The following KCNMB4 variants were observed in gnomAD, a reference collection of about 807,000 sequenced individuals.
KCNMB4 encodes the protein potassium calcium-activated channel subfamily M regulatory beta subunit 4, also known as calcium-activated potassium channel subunit beta-4.
Under a neutral mutation model 20.7 loss-of-function variants are expected in KCNMB4, and 3 were observed. That is an observed-to-expected ratio of 0.14 (90% CI 0.07 to 0.37). The LOEUF (loss-of-function observed/expected upper bound fraction) is 0.37, where lower values mean the gene tolerates loss of function less well. Among genes scored for constraint, KCNMB4 ranks in the 10% least tolerant of loss-of-function variants. The pLI, the probability that KCNMB4 is intolerant of heterozygous loss-of-function variation, is 1.00. For synonymous variants in KCNMB4, 110 were observed against 113.4 expected, an observed-to-expected ratio of 0.97 and a Z score of 0.19; for missense variants, 168 against 265.9, an observed-to-expected ratio of 0.63 and a Z score of 2.56.
chr12:70,366,625 C>T lies in KCNMB4; in HGVS notation c.-110C>T, dbSNP rs1565850746. On this transcript the variant is annotated 5_prime_UTR_variant, in exon 1 of 3. Transcript: ENST00000258111. ...CTCGCCGCCCACTCCCCTGCTGTCG[C>T]GCGGCGGCGGCGGTGGCGGCGGCGG... The T allele has an allele frequency of 4.0e-6, 3 of 759,188 alleles. No individual in the cohort carries two copies. Among genetic ancestry groups the T allele is most frequent in the Admixed American group, 4.7e-5 (1 of 21,086 alleles). 47.0% of individuals were successfully genotyped at this position (759,188 alleles called of 1,614,324 possible). A position where few individuals can be genotyped will look rare whatever the true frequency, so the allele number is the denominator to read the frequency against.
chr12:70,391,123 A>C (rs1156671914), intron 1 of KCNMB4, among the ~76,000 whole-genome samples: 1 of 152,154 alleles, frequency 6.6e-6, no homozygotes, highest in Non-Finnish European at 1.5e-5. Flanking sequence ...ACAGTGACTC[A>C]TAGACTTCAT....
intron 1 of KCNMB4, among the ~76,000 whole-genome samples, chr12:70,394,206 A>C (rs1868329292): frequency 6.6e-6 from 1 of 152,122 alleles, no homozygotes; most frequent in South Asian, 2.1e-4. Context: ...CAATTCTAAA[A>C]ATCTGTCATT....
chr12:70,422,977 A>ATC, intron 2 of KCNMB4: 1 of 379,410 alleles, frequency 2.6e-6, no homozygotes, highest in East Asian at 1.0e-4. Context: ...AGGGACGGTC[A>ATC]TCTTAATCAG....
chr12:70,378,615 C>T (rs1390284417), intron 1 of KCNMB4, among the ~76,000 whole-genome samples: 3 of 152,278 alleles, frequency 2.0e-5, no homozygotes, highest in Non-Finnish European at 4.4e-5. Context: ...TGGCTCGCTT[C>T]ACCCTCTGCC....
chr12:70,398,035 C>T (rs556770325), intron 1 of KCNMB4, among the ~76,000 whole-genome samples: 1 of 152,258 alleles, frequency 6.6e-6, no homozygotes, highest in Non-Finnish European at 1.5e-5. Flanking sequence ...AAATATCCAA[C>T]ACCTTAGAGA....
chr12:70,393,382 T>C (rs1252493140), intron 1 of KCNMB4, among the ~76,000 whole-genome samples: 4 of 152,078 alleles, frequency 2.6e-5, no homozygotes, highest in Non-Finnish European at 5.9e-5. Flanking sequence ...TTTGTTGTTT[T>C]AGTAGAGAAG....
intron 2 of KCNMB4, among the ~76,000 whole-genome samples, chr12:70,427,356 C>T (rs1869240958): frequency 6.6e-6 from 1 of 152,212 alleles, no homozygotes; most frequent in Admixed American, 6.5e-5. Flanking sequence ...TAGAGATAAT[C>T]TCACTAAATC....
At chr12:70,392,442 A>G (rs957203933) in intron 1 of KCNMB4, among the ~76,000 whole-genome samples, 5 of 152,238 alleles carry the variant, frequency 3.3e-5, no homozygotes, top group African/African-American at 1.2e-4. Flanking sequence ...CTAGAACCAG[A>G]AATACCATTT....
intron 2 of KCNMB4, chr12:70,422,892 G>A (rs762166534): frequency 8.9e-7 from 1 of 1,119,536 alleles, no homozygotes; most frequent in Non-Finnish European, 1.1e-6. Flanking sequence ...TGGGAGCACA[G>A]AGTGGCGACG....
At chr12:70,367,204 T>C in intron 1 of KCNMB4, 134 bp downstream of exon 1, 1 of 650,414 alleles carries the variant, frequency 1.5e-6, no homozygotes. Flanking sequence ...CAGGCTGTGC[T>C]CAAACCAGGA....
In KCNMB4 at chr12:70,372,814, CATT is replaced by C. The variant is rs545977610; in HGVS notation, c.336+5747_336+5749del. 2.6e-3 allele frequency among the ~76,000 whole-genome samples: 390 copies of C among 152,052 alleles called. 3 individuals carry two copies. Among genetic ancestry groups the C allele is most frequent in the African/African-American group, 9.1e-3 (377 of 41,478 alleles). ...GTCAAGTTCTACAGAGAGGTACAAACATTATGATATGAACATCCAGAGGGAAAA... is the reference window on the plus strand; with the variant it reads ...GTCAAGTTCTACAGAGAGGTACAAACATGATATGAACATCCAGAGGGAAAA... On this transcript the variant is annotated intron_variant, in intron 1 of 2. Coordinates refer to ENST00000258111, the MANE Select transcript of KCNMB4 (RefSeq NM_014505.6).
intron 1 of KCNMB4, among the ~76,000 whole-genome samples, chr12:70,373,526 G>T (rs540097551): frequency 6.6e-6 from 1 of 152,172 alleles, no homozygotes; most frequent in Non-Finnish European, 1.5e-5. Flanking sequence ...ACGCAGCCTG[G>T]CATCTTGGTT....
chr12:70,395,601 A>G (rs1279435925), intron 1 of KCNMB4, among the ~76,000 whole-genome samples: 1 of 152,216 alleles, frequency 6.6e-6, no homozygotes, highest in African/African-American at 2.4e-5. Flanking sequence ...GTAATCAAGC[A>G]TTCCATGTTG....
chr12:70,400,396 CTG>C, intron 2 of KCNMB4, 60 bp downstream of exon 2: 1 of 1,529,124 alleles, frequency 6.5e-7, no homozygotes, highest in East Asian at 2.3e-5. Context: ...GCTTATTACA[CTG>C]TTATATCGTA....
At chr12:70,382,921 G>A (rs943058472) in intron 1 of KCNMB4, among the ~76,000 whole-genome samples, 48 of 152,128 alleles carry the variant, frequency 3.2e-4, no homozygotes, top group African/African-American at 1.2e-3. Context: ...AACCTAGATA[G>A]TATAGCCTAC....
At chr12:70,422,745 G>A in intron 2 of KCNMB4, 1 of 1,289,002 alleles carries the variant, frequency 7.8e-7, no homozygotes, top group Non-Finnish European at 1.0e-6. Context: ...GAGAACTCAG[G>A]AAGCATCTCC....
intron 2 of KCNMB4, among the ~76,000 whole-genome samples, chr12:70,409,578 A>G (rs541282838): frequency 7.9e-5 from 12 of 152,352 alleles, no homozygotes; most frequent in African/African-American, 2.6e-4. Flanking sequence ...CATGGAGCCT[A>G]TAGTCTGTAG....
chr12:70,412,846 T>C (rs1218001789), intron 2 of KCNMB4, among the ~76,000 whole-genome samples: 1 of 152,254 alleles, frequency 6.6e-6, no homozygotes, highest in Non-Finnish European at 1.5e-5. Context: ...TTTTGTCTTC[T>C]ACTCTGAGAA....
rs550802445 is a variant in KCNMB4 at position 70,422,472 on chromosome 12, C to T, written c.465-8013C>T. Among the ~76,000 whole-genome samples, 25 of 152,104 alleles carry T rather than the reference C, an allele frequency of 1.6e-4. No homozygotes were observed. In the South Asian group the frequency reaches 4.4e-3, roughly 27 times the overall value. ...AGGTTCCTGAGCAGCTCAAGGAGGT[C>T]GATGGAAGAGGAAAAGGATTTAATG... On this transcript the variant is annotated intron_variant, in intron 2 of 2. Transcript: ENST00000258111.
Sources: gnomAD v4.1 joint callset for allele counts (sites outside exome capture counted in the v4.1 genomes callset) on GRCh38, gnomAD v4.1.1 for gene constraint, MANE v1.5 for transcripts, NCBI Gene and HGNC (gene_info 2026-07-23, HGNC 2026-07-21) for gene names.